ITGA6: variants seen among roughly 807,000 people sequenced by gnomAD.
The protein encoded by ITGA6 is integrin alpha-6.
A neutral mutation model predicts 133.6 loss-of-function variants in ITGA6; 63 were observed. The ratio of observed to expected loss-of-function variants is 0.47; its 90% CI spans 0.38 to 0.58. ITGA6 has a LOEUF of 0.58. Among genes scored for constraint, ITGA6 ranks in the 20% least tolerant of loss-of-function variants. ITGA6 has a pLI of 0.00. For missense variants in ITGA6, 1,068 were observed against 1,309.4 expected (o/e 0.82, Z 2.85); for synonymous variants, 434 against 482.0 (o/e 0.90, Z 1.30).
In ITGA6 at chr2:172,427,951, C is replaced by G; in HGVS notation, c.163C>G (p.Gln55Glu). Residue 55 changes from glutamine (Q) to glutamate (E), a missense_variant, in exon 1 of 26, where the codon CAG (glutamine) becomes GAG (glutamate). Gln to Glu is a conservative substitution (Grantham distance 29). Transcript: ENST00000684293. ...CTCGCTGGCCATGCACTGGCAACTG[C>G]AGCCCGAGGACAAGCGGCTGTGAGT... ...GFSLAMHWQL[Q>E]PEDKRLLLVG... The G allele has an allele frequency of 6.2e-7, 1 of 1,605,230 alleles. No individual in the cohort carries two copies. The highest frequency in any genetic ancestry group is 8.5e-7 in the Non-Finnish European group (1 of 1,176,402).
intron 6 of ITGA6, among the ~76,000 whole-genome samples, 161 bp from the exon 7 acceptor site, chr2:172,474,768 A>C (rs1686092403): frequency 6.6e-6 from 1 of 152,166 alleles, no homozygotes; most frequent in South Asian, 2.1e-4. Context: ...TGGGGCGTTT[A>C]TTATAGGCTA....
chr2:172,491,870 C>T lies in ITGA6; in HGVS notation c.2988+347C>T, dbSNP rs1255578290. On this transcript the variant is annotated intron_variant, in intron 23 of 25. Transcript: ENST00000684293. The surrounding 1 kb of genome is among the most constrained non-coding windows in gnomAD (Gnocchi z 4.4). ...GCCCCAGTGATGGCCCATCCCTTGG[C>T]CAGCTGTAATTATTAAAAAAGATCT... 6.6e-6 allele frequency among the ~76,000 whole-genome samples: 1 copy of T among 152,052 alleles called. No homozygotes were observed. Among genetic ancestry groups the T allele is most frequent in the Non-Finnish European group, 1.5e-5 (1 of 68,002 alleles).
At chr2:172,503,156 A>C (rs1190934337) in intron 25 of ITGA6, among the ~76,000 whole-genome samples, 2 of 152,280 alleles carry the variant, frequency 1.3e-5, no homozygotes, top group African/African-American at 4.8e-5. Context: ...TAAACACATT[A>C]ACAGTTCTAT....
intron 1 of ITGA6, among the ~76,000 whole-genome samples, chr2:172,443,210 T>C (rs1424643048): frequency 6.6e-6 from 1 of 152,210 alleles, no homozygotes; most frequent in Non-Finnish European, 1.5e-5. Flanking sequence ...CCTTGCTCTT[T>C]TTCTCTTGGT....
At chr2:172,438,638 G>A (rs1684419727) in intron 1 of ITGA6, among the ~76,000 whole-genome samples, 1 of 151,842 alleles carries the variant, frequency 6.6e-6, no homozygotes, top group African/African-American at 2.4e-5. Context: ...TTAAAGGTGA[G>A]GATAAAGCAC....
chr2:172,466,478 G>A (rs867359848), intron 2 of ITGA6, among the ~76,000 whole-genome samples: 1 of 152,090 alleles, frequency 6.6e-6, no homozygotes, highest in Admixed American at 6.5e-5. Flanking sequence ...AAATTAGCCA[G>A]GCGTGGTGGT....
chr2:172,476,532 T>C lies in ITGA6; in HGVS notation c.1388+19T>C, dbSNP rs1041644287. On this transcript the variant is annotated intron_variant, in intron 9 of 25. Transcript: ENST00000684293. The stretch of plus-strand genomic sequence containing the variant: ...TTTTCAGGTCTGTTATCTATGATTT[T>C]AGTGTTAAGCATGTTCTATAATCAG... 3 of 1,364,302 alleles carry C rather than the reference T, an allele frequency of 2.2e-6. No homozygotes were observed. The highest frequency in any genetic ancestry group is 1.7e-5 in the Admixed American group (1 of 59,734). The allele number at this position is 1,364,302 out of a possible 1,614,324, so 84.5% of individuals were successfully genotyped here.
rs1192529249 is a variant in ITGA6, at chr2:172,498,025, A to G, written c.3039A>G (p.Val1013=). 1 of 1,613,646 alleles carries G rather than the reference A, an allele frequency of 6.2e-7. No individual in the cohort carries two copies. The highest frequency in any genetic ancestry group is 1.3e-5 in the African/African-American group (1 of 75,006). The part of the protein sequence containing the change: ...PSKTVAQYSG[V]PWWIILVAIL... ...AGACTGTAGCTCAGTATTCGGGAGT[A>G]CCTTGGTGGATCATCCTAGTGGCTA... is the stretch of plus-strand genomic sequence containing the variant. The change falls in exon 24 of 26, where the codon GTA becomes GTG. Residue 1013 remains valine, a synonymous_variant. Transcript: ENST00000684293.
chr2:172,447,000 C>T (rs762403229), intron 1 of ITGA6, among the ~76,000 whole-genome samples: 39 of 151,986 alleles, frequency 2.6e-4, no homozygotes, highest in Admixed American at 8.5e-4. Context: ...CAGGTCCAAG[C>T]GATTCTTGTG....
chr2:172,469,508 A>C (rs1685826457), intron 4 of ITGA6, 128 bp downstream of exon 4: 2 of 818,592 alleles, frequency 2.4e-6, no homozygotes, highest in South Asian at 3.4e-5. Flanking sequence ...GGATATTAAA[A>C]ATCTCTAAAT....
intron 24 of ITGA6, among the ~76,000 whole-genome samples, chr2:172,499,152 A>G (rs79140380): frequency 0.022 from 3,312 of 152,194 alleles, 67 homozygotes; most frequent in Non-Finnish European, 0.031. Flanking sequence ...AATATTGAGC[A>G]TCTGTTTTTG....
intron 1 of ITGA6, chr2:172,465,292 A>G: frequency 8.8e-6 from 5 of 571,030 alleles, no homozygotes; most frequent in South Asian, 7.8e-5. Flanking sequence ...TGCTGATACT[A>G]TGAGAGACAG....
chr2:172,444,506 A>T (rs1032473455), intron 1 of ITGA6, among the ~76,000 whole-genome samples: 6 of 152,240 alleles, frequency 3.9e-5, no homozygotes, highest in Admixed American at 1.3e-4. Context: ...TGCAAGAGAA[A>T]CATTCATTGG....
At chr2:172,485,086 C>T (rs201577223) in intron 12 of ITGA6, 35 bp from the exon 13 acceptor site, 11 of 1,611,106 alleles carry the variant, frequency 6.8e-6, no homozygotes, top group Non-Finnish European at 7.6e-6. Context: ...AGCATGTACA[C>T]CCCACTTAAC....
chr2:172,443,802 C>A (rs1167118846), intron 1 of ITGA6, among the ~76,000 whole-genome samples: 5 of 152,200 alleles, frequency 3.3e-5, no homozygotes, highest in African/African-American at 1.2e-4. Context: ...GAGGCAGGGT[C>A]TCACGCTTTC....
At chr2:172,497,875 T>A in intron 23 of ITGA6, 100 bp from the exon 24 acceptor site, 1 of 1,275,540 alleles carries the variant, frequency 7.8e-7, no homozygotes, top group South Asian at 1.2e-5. Flanking sequence ...ACAGGCTGCA[T>A]TGTCCAAAAT....
chr2:172,479,322 G>A (rs1021524444), intron 9 of ITGA6, among the ~76,000 whole-genome samples: 4 of 152,174 alleles, frequency 2.6e-5, no homozygotes, highest in Non-Finnish European at 4.4e-5. Context: ...TAACTGACGT[G>A]TCTGGAAGAA....
chr2:172,428,378 G>A (rs888727067), intron 1 of ITGA6: 2 of 152,754 alleles, frequency 1.3e-5, no homozygotes, highest in African/African-American at 4.8e-5. Context: ...GGTTTGCAGG[G>A]AGCGTAGTTC....
chr2:172,447,212 T>A lies in ITGA6; in HGVS notation c.183-18327T>A, dbSNP rs528859387. Among the ~76,000 whole-genome samples, 26 of 151,954 alleles carry A rather than the reference T, an allele frequency of 1.7e-4. No individual in the cohort carries two copies. In the South Asian group the frequency reaches 4.0e-3, roughly 23 times the overall value. On this transcript the variant is annotated intron_variant, in intron 1 of 25. Transcript: ENST00000684293. The stretch of plus-strand genomic sequence containing the variant: ...CACGCCTAGCCAAATTTTATTTTTA[T>A]TTTTATTTATTTATTTTTTATTTTG...
Sources: allele counts gnomAD v4.1 joint callset (sites outside exome capture counted in the v4.1 genomes callset), GRCh38; gene constraint gnomAD v4.1.1; non-coding constraint Gnocchi (gnomAD v3.1); transcripts MANE v1.5; gene names NCBI Gene and HGNC (gene_info 2026-07-23, HGNC 2026-07-21).